The following USP6NL variants were observed in gnomAD, a reference collection of about 807,000 sequenced individuals.
USP6NL encodes the protein USP6 N-terminal-like protein.
A neutral mutation model predicts 61.9 loss-of-function variants in USP6NL; 26 were observed. That is an observed-to-expected ratio of 0.42 (90% CI 0.31 to 0.58). USP6NL has a LOEUF of 0.58. Among genes scored for constraint, USP6NL ranks in the 20% least tolerant of loss-of-function variants. USP6NL has a pLI of 0.16. For synonymous variants in USP6NL, 432 were observed against 390.1 expected, an observed-to-expected ratio of 1.11 and a Z score of -1.27; for missense variants, 1,114 against 1,034.3, an observed-to-expected ratio of 1.08 and a Z score of -1.06.
intron 4 of USP6NL, among the ~76,000 whole-genome samples, chr10:11,519,579 G>A (rs895007939): frequency 1.3e-5 from 2 of 152,148 alleles, no homozygotes; most frequent in Admixed American, 6.5e-5. Context: ...GCAGTGAGCT[G>A]AGACCGCGCC....
Position 11,485,151 on chromosome 10 carries a change from T to C in USP6NL, c.825+18A>G. 6.5e-7 allele frequency: 1 copy of C among 1,538,600 alleles called. No individual in the cohort carries two copies. The highest frequency in any genetic ancestry group is 8.7e-7 in the Non-Finnish European group (1 of 1,143,016). On this transcript the variant is annotated intron_variant, in intron 12 of 14. Coordinates refer to ENST00000609104, the MANE Select transcript of USP6NL (RefSeq NM_014688.5). The surrounding 1 kb of genome is among the most constrained non-coding windows in gnomAD (Gnocchi z 4.8). Reference sequence around the variant, plus strand: ...GTATTTATAATTTTATGACTGAGTTTTGTAAATAAATACTTACACGATCAA... The same window carrying C: ...GTATTTATAATTTTATGACTGAGTTCTGTAAATAAATACTTACACGATCAA...
intron 2 of USP6NL, among the ~76,000 whole-genome samples, chr10:11,531,735 T>A (rs1835670936): frequency 6.6e-6 from 1 of 152,048 alleles, no homozygotes; most frequent in Non-Finnish European, 1.5e-5. Context: ...ATTTTTTTTA[T>A]CTAATGTAAC....
chr10:11,477,597 C>T (rs998011836), intron 14 of USP6NL, among the ~76,000 whole-genome samples: 4 of 152,118 alleles, frequency 2.6e-5, no homozygotes, highest in Non-Finnish European at 5.9e-5. Context: ...AGAAGGAAGG[C>T]TTCCAAATTA....
Position 11,510,201 on chromosome 10 carries a change from T to G in USP6NL, c.196-526A>C, listed in dbSNP as rs954664830. Among the ~76,000 whole-genome samples the G allele has an allele frequency of 5.3e-5, 8 of 152,126 alleles. No homozygotes were observed. Among genetic ancestry groups the G allele is most frequent in the East Asian group, 1.9e-4 (1 of 5,194 alleles). The stretch of plus-strand genomic sequence containing the variant: ...TACTAGTTGCTGCCCTAAAGAAATT[T>G]GACCAGGTGCTAAGGACAATGGACA... On this transcript the variant is annotated intron_variant, in intron 5 of 14. Transcript: ENST00000609104. This position sits in a 1 kb window ranked among gnomAD's most constrained non-coding sequence, Gnocchi z 4.8.
intron 13 of USP6NL, among the ~76,000 whole-genome samples, chr10:11,484,428 T>C (rs942036589): frequency 1.3e-5 from 2 of 151,882 alleles, no homozygotes; most frequent in African/African-American, 2.4e-5. Context: ...GCTCCATTTA[T>C]CTGCCTATAG....
At chr10:11,576,284 C>G (rs191171042) in intron 2 of USP6NL, among the ~76,000 whole-genome samples, 3 of 152,172 alleles carry the variant, frequency 2.0e-5, no homozygotes, top group Non-Finnish European at 4.4e-5. Flanking sequence ...CCAGAAGAGG[C>G]ATGGTGGAGC....
At position 11,597,292 on chromosome 10, in the gene USP6NL, TCTA is replaced by T. The variant is rs1244790693; in HGVS notation, c.4+336_4+338del. Among the ~76,000 whole-genome samples, 3 of 152,190 alleles carry T rather than the reference TCTA, an allele frequency of 2.0e-5. No individual in the cohort carries two copies. Among genetic ancestry groups the T allele is most frequent in the African/African-American group, 7.2e-5 (3 of 41,442 alleles). On this transcript the variant is annotated intron_variant, in intron 2 of 14. Coordinates refer to ENST00000609104, the MANE Select transcript of USP6NL (RefSeq NM_014688.5). This position sits in a 1 kb window ranked among gnomAD's most constrained non-coding sequence, Gnocchi z 4.6. ...TGATTAAATTTCACACAATAAAATC[TCTA>T]CTAATTATGGTCAACTGCAATGTTC...
Position 11,478,776 on chromosome 10 carries a change from G to A in USP6NL, c.1078+2994C>T, listed in dbSNP as rs1454963161. On this transcript the variant is annotated intron_variant, in intron 14 of 14. Transcript: ENST00000609104. This position sits in a 1 kb window ranked among gnomAD's most constrained non-coding sequence, Gnocchi z 6.8. ...TAAAATTACCCAGGAGTGGTGGCAT[G>A]CACCTGTAGTCCCAGCTACCTGGGG... Among the ~76,000 whole-genome samples, 1 of 152,042 alleles carries A rather than the reference G, an allele frequency of 6.6e-6. No homozygotes were observed. The highest frequency in any genetic ancestry group is 1.5e-5 in the Non-Finnish European group (1 of 68,014).
chr10:11,530,001 C>G (rs1835583847), intron 2 of USP6NL, among the ~76,000 whole-genome samples: 1 of 148,200 alleles, frequency 6.7e-6, no homozygotes, highest in South Asian at 2.1e-4. Flanking sequence ...AGTCGGGAGG[C>G]TGAAGCAGGA....
At position 11,525,475 on chromosome 10, in the gene USP6NL, TA is replaced by T; in HGVS notation, c.73-8del. The T allele has an allele frequency of 1.3e-6, 2 of 1,565,766 alleles. No homozygotes were observed. The highest frequency in any genetic ancestry group is 8.6e-7 in the Non-Finnish European group (1 of 1,165,416). On this transcript the variant is annotated splice_region_variant and splice_polypyrimidine_tract_variant and intron_variant, in intron 3 of 14. Transcript: ENST00000609104. The surrounding 1 kb of genome is among the most constrained non-coding windows in gnomAD (Gnocchi z 5.0). ...TCTCTGCACCTTCTCGTCCCTAAAA[TA>T]AGGCACAAAAAAAGGTGTTAATCAG... is the stretch of plus-strand genomic sequence containing the variant.
At chr10:11,488,320 A>G (rs2133252428) in intron 10 of USP6NL, among the ~76,000 whole-genome samples, 1 of 152,296 alleles carries the variant, frequency 6.6e-6, no homozygotes, top group African/African-American at 2.4e-5. Flanking sequence ...GAGGCTAATG[A>G]GGCGGGAGGA....
At chr10:11,541,099 GTA>G (rs1194557538) in intron 2 of USP6NL, among the ~76,000 whole-genome samples, 1 of 151,456 alleles carries the variant, frequency 6.6e-6, no homozygotes, top group Non-Finnish European at 1.5e-5. Context: ...TGCGTTATAT[GTA>G]TCTCATGTGT....
chr10:11,474,706 T>TAA lies in USP6NL; in HGVS notation c.1078+7062_1078+7063dup, dbSNP rs200777224. On this transcript the variant is annotated intron_variant, in intron 14 of 14. Transcript: ENST00000609104. The surrounding 1 kb of genome is among the most constrained non-coding windows in gnomAD (Gnocchi z 4.9). ...TTGTCCTTGAATTAATGATTTTTTT[T>TAA]AAAAAAAACTTGCATCAACAAATGA... 1.3e-5 allele frequency among the ~76,000 whole-genome samples: 2 copies of TAA among 151,804 alleles called. No individual in the cohort carries two copies. Among genetic ancestry groups the TAA allele is most frequent in the African/African-American group, 4.8e-5 (2 of 41,288 alleles).
rs1006491790 is a variant in USP6NL, at chr10:11,575,966, A to G, written c.4+21665T>C. On this transcript the variant is annotated intron_variant, in intron 2 of 14. Transcript: ENST00000609104. This position sits in a 1 kb window ranked among gnomAD's most constrained non-coding sequence, Gnocchi z 4.2. ...AAATTTGAATATAGTCTATAGATTC[A>G]TCAGTTAATTTCCTAACTATGACCA... Among the ~76,000 whole-genome samples the G allele has an allele frequency of 6.6e-6, 1 of 152,182 alleles. No homozygotes were observed. The highest frequency in any genetic ancestry group is 2.4e-5 in the African/African-American group (1 of 41,444).
chr10:11,552,903 C>A (rs1049373263), intron 2 of USP6NL, among the ~76,000 whole-genome samples: 3 of 152,026 alleles, frequency 2.0e-5, no homozygotes, highest in Non-Finnish European at 2.9e-5. Context: ...GAAGTCTGGG[C>A]TTTTAGTGTA....
chr10:11,607,701 T>C (rs551554727), intron 1 of USP6NL, among the ~76,000 whole-genome samples: 3 of 151,778 alleles, frequency 2.0e-5, no homozygotes, highest in Non-Finnish European at 4.4e-5. Context: ...AAGGAAAAAA[T>C]AATAATAATA....
At chr10:11,567,109 G>GTC (rs1265456080) in intron 2 of USP6NL, among the ~76,000 whole-genome samples, 1 of 152,180 alleles carries the variant, frequency 6.6e-6, no homozygotes, top group Non-Finnish European at 1.5e-5. Flanking sequence ...GCCTGACCTT[G>GTC]TCTCGAAAAT....
intron 2 of USP6NL, among the ~76,000 whole-genome samples, chr10:11,579,656 A>G (rs943861423): frequency 1.3e-5 from 2 of 152,118 alleles, no homozygotes; most frequent in Non-Finnish European, 2.9e-5. Context: ...CTCTCTCCCC[A>G]TACCTACAAC....
chr10:11,584,587 T>C (rs1409011908), intron 2 of USP6NL, among the ~76,000 whole-genome samples: 2 of 152,172 alleles, frequency 1.3e-5, no homozygotes, highest in South Asian at 2.1e-4. Flanking sequence ...GCCTTTTCGG[T>C]ATACTATGCA....
Sources: allele counts gnomAD v4.1 joint callset (sites outside exome capture counted in the v4.1 genomes callset), GRCh38; gene constraint gnomAD v4.1.1; non-coding constraint Gnocchi (gnomAD v3.1); transcripts MANE v1.5; gene names NCBI Gene and HGNC (gene_info 2026-07-23, HGNC 2026-07-21).